Variants in SAMTOR observed in about 807,000 individuals in gnomAD.
SAMTOR encodes S-adenosylmethionine sensor upstream of mTORC1, also known as UPF0532 protein C7orf60.
the SAMTOR span, among the ~76,000 whole-genome samples, chr7:112,852,380 G>C: frequency 6.6e-6 from 1 of 152,038 alleles, no homozygotes; most frequent in Non-Finnish European, 1.5e-5. Flanking sequence ...GTTCTAACCT[G>C]TAAGTGGGAG....
At chr7:112,896,241 GTGTATATA>G in the SAMTOR span, among the ~76,000 whole-genome samples, 1 of 152,122 alleles carries the variant, frequency 6.6e-6, no homozygotes, top group Non-Finnish European at 1.5e-5. Context: ...GTATATATAT[GTGTATATA>G]TGTATATATG....
At chr7:112,908,687 G>A in the SAMTOR span, among the ~76,000 whole-genome samples, 7 of 152,112 alleles carry the variant, frequency 4.6e-5, no homozygotes, top group African/African-American at 1.7e-4. Context: ...ATATGCATAT[G>A]TACATGGATA....
the SAMTOR span, among the ~76,000 whole-genome samples, chr7:112,890,755 A>T: frequency 2.0e-4 from 31 of 151,654 alleles, no homozygotes; most frequent in Non-Finnish European, 1.9e-4. Flanking sequence ...GAGAGGTGTG[A>T]TCTCTACTCA....
the SAMTOR span, among the ~76,000 whole-genome samples, chr7:112,914,457 T>C: frequency 6.6e-5 from 10 of 152,080 alleles, no homozygotes; most frequent in African/African-American, 1.9e-4. Context: ...TCCTTTCTTA[T>C]AATTTTACCA....
At chr7:112,833,728 A>G in the SAMTOR span, among the ~76,000 whole-genome samples, 28 of 152,180 alleles carry the variant, frequency 1.8e-4, no homozygotes, top group African/African-American at 6.5e-4. Flanking sequence ...TGGAACAATC[A>G]CCAATAACTT....
the SAMTOR span, among the ~76,000 whole-genome samples, chr7:112,830,066 G>A: frequency 4.6e-5 from 7 of 151,818 alleles, no homozygotes; most frequent in Admixed American, 1.3e-4. Flanking sequence ...TAGCTGCCTC[G>A]GTCTCCTAGG....
the SAMTOR span, among the ~76,000 whole-genome samples, chr7:112,906,318 T>C: frequency 2.6e-5 from 4 of 152,158 alleles, no homozygotes; most frequent in South Asian, 8.3e-4. Flanking sequence ...AAGTACAATA[T>C]TATAATCTTA....
chr7:112,842,880 A>G, the SAMTOR span, among the ~76,000 whole-genome samples: 1 of 152,022 alleles, frequency 6.6e-6, no homozygotes, highest in Non-Finnish European at 1.5e-5. Flanking sequence ...TTCCACATTA[A>G]TATATGCAAT....
At chr7:112,824,421 C>T in the SAMTOR span, among the ~76,000 whole-genome samples, 4 of 151,898 alleles carry the variant, frequency 2.6e-5, no homozygotes, top group East Asian at 1.9e-4. Flanking sequence ...AGTGCAGTAG[C>T]GTGATCTTGG....
the SAMTOR span, among the ~76,000 whole-genome samples, chr7:112,856,227 T>C: frequency 2.6e-5 from 4 of 151,990 alleles, no homozygotes; most frequent in Admixed American, 1.3e-4. Flanking sequence ...AAAAGAAAAG[T>C]GTATTATTTT....
At chr7:112,839,655 T>G in the SAMTOR span, among the ~76,000 whole-genome samples, 1 of 151,842 alleles carries the variant, frequency 6.6e-6, no homozygotes, top group Non-Finnish European at 1.5e-5. Context: ...GATATTTAAC[T>G]AGATACTATA....
At chr7:112,911,793 T>G in the SAMTOR span, among the ~76,000 whole-genome samples, 2 of 151,840 alleles carry the variant, frequency 1.3e-5, no homozygotes, top group African/African-American at 4.8e-5. Flanking sequence ...TCTTTACTGG[T>G]TAATGATAGA....
the SAMTOR span, among the ~76,000 whole-genome samples, chr7:112,922,529 G>A: frequency 2.0e-5 from 3 of 151,646 alleles, no homozygotes; most frequent in South Asian, 4.2e-4. Flanking sequence ...CTTCCCGGCC[G>A]CCATCCCATC....
At chr7:112,824,036 A>G in the SAMTOR span, among the ~76,000 whole-genome samples, 2 of 147,078 alleles carry the variant, frequency 1.4e-5, no homozygotes, top group Admixed American at 6.7e-5. Context: ...AGTTTTAAGT[A>G]TTTTCTTTCT....
the SAMTOR span, among the ~76,000 whole-genome samples, chr7:112,931,491 A>C: frequency 2.0e-5 from 3 of 152,210 alleles, no homozygotes; most frequent in Non-Finnish European, 2.9e-5. Context: ...AGAAATCAAG[A>C]AAAATCATAA....
At chr7:112,857,879 T>C in the SAMTOR span, among the ~76,000 whole-genome samples, 3 of 152,148 alleles carry the variant, frequency 2.0e-5, no homozygotes, top group South Asian at 6.2e-4. Flanking sequence ...GACATCCCAG[T>C]AAGATGAGCT....
chr7:112,827,914 T>C, the SAMTOR span, among the ~76,000 whole-genome samples: 1 of 152,024 alleles, frequency 6.6e-6, no homozygotes, highest in African/African-American at 2.4e-5. Context: ...GGGGTCTTGC[T>C]GTGTTGCATA....
At chr7:112,856,629 T>A in the SAMTOR span, among the ~76,000 whole-genome samples, 1 of 152,192 alleles carries the variant, frequency 6.6e-6, no homozygotes, top group East Asian at 1.9e-4. Context: ...AAAAGTTGCA[T>A]TCAAAATTAA....
chr7:112,840,461 G>A, the SAMTOR span, among the ~76,000 whole-genome samples: 1 of 151,710 alleles, frequency 6.6e-6, no homozygotes, highest in Non-Finnish European at 1.5e-5. Flanking sequence ...TTTAAGTGAG[G>A]TTTGGCTTTC....
Sources: allele counts gnomAD v4.1 joint callset (sites outside exome capture counted in the v4.1 genomes callset), GRCh38; gene constraint gnomAD v4.1.1; transcripts MANE v1.5; gene names NCBI Gene and HGNC (gene_info 2026-07-23, HGNC 2026-07-21).